Variants in PIK3C2A observed in about 807,000 individuals in gnomAD.
The protein encoded by PIK3C2A is phosphatidylinositol 4-phosphate 3-kinase C2 domain-containing subunit alpha.
A neutral mutation model predicts 204.5 loss-of-function variants in PIK3C2A; 97 were observed. That is an observed-to-expected ratio of 0.47 (90% confidence interval 0.40 to 0.56). PIK3C2A has a LOEUF of 0.56. Ranked by LOEUF, PIK3C2A falls within the 20% of genes least tolerant of loss-of-function variation. The probability of loss-of-function intolerance (pLI) is 0.00; values close to 1 mark genes in which losing one functional copy is unlikely to be tolerated. For missense variants in PIK3C2A, 1,735 were observed against 1,969.2 expected, an observed-to-expected ratio of 0.88 and a Z score of 2.25; for synonymous variants, 653 against 664.4, an observed-to-expected ratio of 0.98 and a Z score of 0.26.
chr11:17,125,454 T>C (rs1247730432), intron 13 of PIK3C2A, among the ~76,000 whole-genome samples: 1 of 152,210 alleles, frequency 6.6e-6, no homozygotes, highest in African/African-American at 2.4e-5. Flanking sequence ...TATTTCAGCA[T>C]GGGTTGCAAA....
At chr11:17,148,872 A>G (rs1850337961) in intron 4 of PIK3C2A, 85 bp from the exon 5 acceptor site, 1 of 1,096,194 alleles carries the variant, frequency 9.1e-7, no homozygotes, top group Admixed American at 2.4e-5. Flanking sequence ...ACAGCAGTAT[A>G]CAATAGAAAT....
At chr11:17,158,726 C>T (rs1850683919) in intron 2 of PIK3C2A, among the ~76,000 whole-genome samples, 4 of 152,098 alleles carry the variant, frequency 2.6e-5, no homozygotes, top group Admixed American at 2.6e-4. Context: ...CCCTGAAGAA[C>T]TGTTCTTCAT....
intron 1 of PIK3C2A, among the ~76,000 whole-genome samples, chr11:17,190,594 T>C (rs986929958): frequency 1.2e-4 from 18 of 149,140 alleles, no homozygotes; most frequent in African/African-American, 4.4e-4. Context: ...AAAAAAATTA[T>C]GATAAAAATA....
At chr11:17,100,824 T>C (rs1046481228) in intron 25 of PIK3C2A, among the ~76,000 whole-genome samples, 1 of 152,238 alleles carries the variant, frequency 6.6e-6, no homozygotes, top group African/African-American at 2.4e-5. Flanking sequence ...AATTGTAGCC[T>C]TCTGTTTATT....
At position 17,131,904 on chromosome 11, in the gene PIK3C2A, A is replaced by T. The variant is rs1158942949; in HGVS notation, c.2231+12T>A. 6.3e-7 allele frequency: 1 copy of T among 1,598,452 alleles called. No individual in the cohort carries two copies. Among genetic ancestry groups the T allele is most frequent in the African/African-American group, 1.3e-5 (1 of 74,128 alleles). On this transcript the variant is annotated intron_variant, in intron 12 of 32. Transcript: ENST00000691414. ...CACACTGAAAGAATAAAAAGCCAGAAATTTCACTTACAGTTCATCCCATTT... is the reference window on the plus strand; with the variant it reads ...CACACTGAAAGAATAAAAAGCCAGATATTTCACTTACAGTTCATCCCATTT...
rs761373016 is a variant in PIK3C2A at position 17,150,570 on chromosome 11, C to T, written c.1255G>A (p.Gly419Arg). 12 of 1,611,486 alleles carry T rather than the reference C, an allele frequency of 7.4e-6. No homozygotes were observed. Among genetic ancestry groups the T allele is most frequent in the African/African-American group, 2.7e-5 (2 of 74,584 alleles). ...GAGACCTTCACACTAGCATTTTCTC[C>T]GCATATGTTTCTTTGTGCTGTGACT... ...SPVTAQRNIC[G>R]ENASVKVSID... Residue 419 changes from glycine (G) to arginine (R), a missense_variant, in exon 4 of 33, where the codon GGA becomes AGA. Around this residue, in one of 6 missense-constraint regions of PIK3C2A, gnomAD observed 536 missense variants for 546.7 expected, o/e 0.98. Transcript: ENST00000691414.
intron 13 of PIK3C2A, among the ~76,000 whole-genome samples, chr11:17,126,595 T>C (rs1849534614): frequency 6.6e-6 from 1 of 152,208 alleles, no homozygotes; most frequent in Non-Finnish European, 1.5e-5. Context: ...ACTGTTTCTC[T>C]ACATGTACTA....
chr11:17,102,595 T>G, intron 24 of PIK3C2A, 67 bp downstream of exon 24: 4 of 1,344,824 alleles, frequency 3.0e-6, no homozygotes, highest in Non-Finnish European at 4.1e-6. Context: ...ACACAAAGCT[T>G]GAGACAAACT....
At chr11:17,162,880 G>A (rs984616966) in intron 2 of PIK3C2A, among the ~76,000 whole-genome samples, 1 of 152,134 alleles carries the variant, frequency 6.6e-6, no homozygotes, top group Non-Finnish European at 1.5e-5. Flanking sequence ...TTCCTTTATA[G>A]ATATTTAACC....
chr11:17,100,019 GT>G (rs1565239035), intron 25 of PIK3C2A, 50 bp from the exon 26 acceptor site: 1 of 862,124 alleles, frequency 1.2e-6, no homozygotes, highest in Non-Finnish European at 2.0e-6. Context: ...TAAAACATTT[GT>G]TCCTCACTCC....
intron 1 of PIK3C2A, among the ~76,000 whole-genome samples, chr11:17,180,845 T>C (rs1851524633): frequency 6.6e-6 from 1 of 152,178 alleles, no homozygotes; most frequent in Non-Finnish European, 1.5e-5. Flanking sequence ...CCTATATTAC[T>C]TGTACTGTTT....
intron 8 of PIK3C2A, among the ~76,000 whole-genome samples, chr11:17,137,423 C>CTT (rs33912263): frequency 3.2e-5 from 4 of 125,050 alleles, no homozygotes; most frequent in South Asian, 4.9e-4. Context: ...ATTACTTTGC[C>CTT]TTTTTTTTTG....
rs1849257786 is a variant in PIK3C2A at position 17,117,940 on chromosome 11, C to T, written c.3036-269G>A. Among the ~76,000 whole-genome samples, 3 of 152,088 alleles carry T rather than the reference C, an allele frequency of 2.0e-5. No homozygotes were observed. In the South Asian group the frequency reaches 6.2e-4, roughly 32 times the overall value. ...GTGTTAGCCAGGATGGTCTCGATCT[C>T]CTGACCTTGTGATCCGCCCACTTCG... On this transcript the variant is annotated intron_variant, in intron 18 of 32. Coordinates refer to ENST00000691414, the MANE Select transcript of PIK3C2A (RefSeq NM_002645.4).
intron 23 of PIK3C2A, among the ~76,000 whole-genome samples, chr11:17,104,278 T>C (rs957243262): frequency 1.3e-5 from 2 of 152,198 alleles, no homozygotes; most frequent in African/African-American, 4.8e-5. Flanking sequence ...AGCTATCAAT[T>C]ATACAACTTT....
chr11:17,168,512 C>T (rs571277015), intron 2 of PIK3C2A, among the ~76,000 whole-genome samples, 165 bp downstream of exon 2: 3 of 152,104 alleles, frequency 2.0e-5, no homozygotes, highest in East Asian at 3.9e-4. Flanking sequence ...ACCTGGGAGG[C>T]GGAGCTTGCA....
chr11:17,127,629 A>G (rs1366648290), intron 13 of PIK3C2A, among the ~76,000 whole-genome samples: 1 of 152,200 alleles, frequency 6.6e-6, no homozygotes, highest in Non-Finnish European at 1.5e-5. Context: ...ATTTTTAAGC[A>G]CATGGGAAAA....
intron 22 of PIK3C2A, among the ~76,000 whole-genome samples, chr11:17,107,955 T>A (rs1024273342): frequency 2.0e-5 from 3 of 152,242 alleles, no homozygotes. Flanking sequence ...CACTGCAACC[T>A]CTGCCTCCCG....
At chr11:17,177,090 A>C (rs1851362814) in intron 1 of PIK3C2A, among the ~76,000 whole-genome samples, 1 of 152,182 alleles carries the variant, frequency 6.6e-6, no homozygotes, top group South Asian at 2.1e-4. Flanking sequence ...TTCAGGCAGT[A>C]CTAATTCTCC....
rs140813992 is a variant in PIK3C2A, at chr11:17,117,638, A to G, written c.3069T>C (p.Phe1023=). ...CCAAAACATGTTCGTATCGGGTACT[A>G]AACTGTACATCATGCAGGGCATCTT... ...LLKDALHDVQ[F]STRYEHVLGA... is the part of the protein sequence containing the mutation. The change falls in exon 19 of 33, where the codon TTT becomes TTC. Residue 1023 remains phenylalanine (F), a synonymous_variant. Coordinates refer to ENST00000691414, the MANE Select transcript of PIK3C2A (RefSeq NM_002645.4). 4.8e-5 allele frequency: 78 copies of G among 1,612,286 alleles called. No homozygotes were observed. Among genetic ancestry groups the G allele is most frequent in the African/African-American group, 1.2e-4 (9 of 74,850 alleles).
Sources: allele counts gnomAD v4.1 joint callset (sites outside exome capture counted in the v4.1 genomes callset), GRCh38; gene constraint gnomAD v4.1.1; regional missense constraint gnomAD v4.1.1; transcripts MANE v1.5; gene names NCBI Gene and HGNC (gene_info 2026-07-23, HGNC 2026-07-21).